The following KCNIP3 variants were observed in gnomAD, a reference collection of about 807,000 sequenced individuals.
KCNIP3 encodes calsenilin.
KCNIP3 carries 28 observed loss-of-function variants against 35.0 expected under a neutral mutation model. That is an observed-to-expected ratio of 0.80 (90% confidence interval 0.59 to 1.10). The LOEUF (loss-of-function observed/expected upper bound fraction) is 1.10. KCNIP3 is among the 50% of genes least tolerant of loss of function. The pLI is 0.00. For synonymous variants in KCNIP3, 134 were observed against 133.8 expected, an observed-to-expected ratio of 1.00 and a Z score of -0.01; for missense variants, 295 against 338.4, an observed-to-expected ratio of 0.87 and a Z score of 1.01.
intron 1 of KCNIP3, 56 bp from the exon 2 acceptor site, chr2:95,310,299 C>CA (rs1469183049): frequency 1.2e-6 from 2 of 1,604,480 alleles, no homozygotes; most frequent in African/African-American, 2.7e-5. Flanking sequence ...CGGGACCATC[C>CA]AGGGGTCCCC....
intron 2 of KCNIP3, among the ~76,000 whole-genome samples, chr2:95,346,423 C>T (rs1679362453): frequency 6.6e-6 from 1 of 151,126 alleles, no homozygotes; most frequent in African/African-American, 2.4e-5. Flanking sequence ...CGCCAGACTC[C>T]GTCCTGGGCT....
chr2:95,352,568 C>A (rs1248803562), intron 2 of KCNIP3, among the ~76,000 whole-genome samples: 1 of 152,142 alleles, frequency 6.6e-6, no homozygotes, highest in Non-Finnish European at 1.5e-5. Context: ...CCCAGCCCTC[C>A]CTCTCCAGCC....
In KCNIP3 at chr2:95,383,917, C is replaced by G. The variant is rs555915939; in HGVS notation, c.724-85C>G. 6.0e-6 allele frequency: 7 copies of G among 1,172,534 alleles called. No individual in the cohort carries two copies. The East Asian group carries it at 1.2e-4, about 20-fold the overall frequency. 72.6% of individuals were successfully genotyped at this position (1,172,534 alleles called of 1,614,324 possible). Reference sequence around the variant, plus strand: ...ACAGACAGGCAGTCGCTGCAGGCTCCGAGTCCCTGGCGGGAATCTGCTCAA... The same window carrying G: ...ACAGACAGGCAGTCGCTGCAGGCTCGGAGTCCCTGGCGGGAATCTGCTCAA... On this transcript the variant is annotated intron_variant, in intron 8 of 8. Transcript: ENST00000295225.
intron 2 of KCNIP3, among the ~76,000 whole-genome samples, chr2:95,356,055 G>A (rs1431182468): frequency 6.6e-6 from 1 of 152,172 alleles, no homozygotes; most frequent in Non-Finnish European, 1.5e-5. Flanking sequence ...GCATGAGATG[G>A]TATCTCATTG....
At chr2:95,324,036 T>G (rs1678660251) in intron 2 of KCNIP3, among the ~76,000 whole-genome samples, 1 of 152,170 alleles carries the variant, frequency 6.6e-6, no homozygotes, top group Admixed American at 6.5e-5. Context: ...GGCCACTGCC[T>G]TGGAATCCCC....
intron 1 of KCNIP3, among the ~76,000 whole-genome samples, chr2:95,306,758 C>A (rs564922297): frequency 1.4e-4 from 21 of 152,286 alleles, no homozygotes; most frequent in Non-Finnish European, 2.5e-4. Context: ...CTCATCACTG[C>A]CCCAGCTTCT....
At position 95,377,230 on chromosome 2, in the gene KCNIP3, C is replaced by T. The variant is rs1680224144; in HGVS notation, c.447+2022C>T. Among the ~76,000 whole-genome samples the T allele has an allele frequency of 6.6e-6, 1 of 152,258 alleles. No individual in the cohort carries two copies. Among genetic ancestry groups the T allele is most frequent in the Non-Finnish European group, 1.5e-5 (1 of 68,050 alleles). On this transcript the variant is annotated intron_variant, in intron 5 of 8. Transcript: ENST00000295225. This position sits in a 1 kb window ranked among gnomAD's most constrained non-coding sequence, Gnocchi z 4.7. Reference sequence around the variant, plus strand: ...GACGTGCAGAGCTTCCAAAACGATTCCGTAGACTGTTGGGGCCTCTTCAGT... The same window carrying T: ...GACGTGCAGAGCTTCCAAAACGATTTCGTAGACTGTTGGGGCCTCTTCAGT...
At chr2:95,306,590 C>G (rs1482695287) in intron 1 of KCNIP3, among the ~76,000 whole-genome samples, 1 of 152,112 alleles carries the variant, frequency 6.6e-6, no homozygotes, top group Non-Finnish European at 1.5e-5. Flanking sequence ...GTGAGTGAGG[C>G]CTTAAACGCC....
At chr2:95,367,791 C>G (rs1480937396) in intron 2 of KCNIP3, among the ~76,000 whole-genome samples, 1 of 138,804 alleles carries the variant, frequency 7.2e-6, no homozygotes, top group Non-Finnish European at 1.5e-5. Context: ...GATGGAGTCT[C>G]GCTCTTGTTT....
At chr2:95,380,021 G>A (rs141739386) in intron 5 of KCNIP3, among the ~76,000 whole-genome samples, 182 of 152,034 alleles carry the variant, frequency 1.2e-3, no homozygotes, top group African/African-American at 4.0e-3. Context: ...GTTTTCTCCC[G>A]TTCTTCCCGA....
intron 2 of KCNIP3, among the ~76,000 whole-genome samples, chr2:95,350,415 G>A (rs1400376060): frequency 2.6e-5 from 4 of 152,208 alleles, no homozygotes; most frequent in African/African-American, 9.7e-5. Context: ...CCTGTGCCTA[G>A]AACAGTGCCT....
At chr2:95,317,112 C>T (rs1212129194) in intron 2 of KCNIP3, among the ~76,000 whole-genome samples, 1 of 152,192 alleles carries the variant, frequency 6.6e-6, no homozygotes, top group Non-Finnish European at 1.5e-5. Flanking sequence ...CAAGAGACAG[C>T]CTAAGGCTAG....
chr2:95,365,813 T>G (rs182678301), intron 2 of KCNIP3, among the ~76,000 whole-genome samples: 4 of 152,278 alleles, frequency 2.6e-5, no homozygotes, highest in Admixed American at 1.3e-4. Context: ...ACACCCCTAT[T>G]TCCCTCCTCC....
At chr2:95,367,389 G>A (rs1007514972) in intron 2 of KCNIP3, among the ~76,000 whole-genome samples, 1 of 152,100 alleles carries the variant, frequency 6.6e-6, no homozygotes, top group African/African-American at 2.4e-5. Flanking sequence ...AGAGCATGTT[G>A]TCTGTATGTA....
At position 95,381,637 on chromosome 2, in the gene KCNIP3, C is replaced by G; in HGVS notation, c.489C>G (p.Val163=). Reference sequence around the variant, plus strand: ...TCTCCATCCTGCTGCGGGGCACAGTCCACGAGAAGCTCAAGTGGGCCTTTA... The same window carrying G: ...TCTCCATCCTGCTGCGGGGCACAGTGCACGAGAAGCTCAAGTGGGCCTTTA... ...VGLSILLRGT[V]HEKLKWAFNL... is the part of the protein sequence containing the mutation. Residue 163 remains valine, a synonymous_variant, in exon 6 of 9, where the codon GTC becomes GTG. Coordinates refer to ENST00000295225, the MANE Select transcript of KCNIP3 (RefSeq NM_013434.5). 6.2e-7 allele frequency: 1 copy of G among 1,614,132 alleles called. No individual in the cohort carries two copies. Among genetic ancestry groups the G allele is most frequent in the Non-Finnish European group, 8.5e-7 (1 of 1,179,994 alleles).
chr2:95,304,837 A>G (rs1678131424), intron 1 of KCNIP3, among the ~76,000 whole-genome samples: 1 of 152,168 alleles, frequency 6.6e-6, no homozygotes, highest in African/African-American at 2.4e-5. Context: ...AGGAGGACTT[A>G]GAAGGAAGTT....
chr2:95,349,613 C>T (rs900730772), intron 2 of KCNIP3, among the ~76,000 whole-genome samples: 21 of 152,232 alleles, frequency 1.4e-4, no homozygotes, highest in African/African-American at 2.9e-4. Context: ...GGGCTGAGCC[C>T]GGGGTGGTGG....
At chr2:95,373,091 A>G (rs959473434) in intron 2 of KCNIP3, among the ~76,000 whole-genome samples, 4 of 152,182 alleles carry the variant, frequency 2.6e-5, no homozygotes, top group Admixed American at 2.6e-4. Flanking sequence ...AGCAGCCAGC[A>G]CCAGAGTACC....
At chr2:95,327,246 A>T (rs756979909) in intron 2 of KCNIP3, among the ~76,000 whole-genome samples, 1 of 152,158 alleles carries the variant, frequency 6.6e-6, no homozygotes, top group Non-Finnish European at 1.5e-5. Context: ...GTCTGTAGTG[A>T]GTGGCATCAC....
Sources: allele counts gnomAD v4.1 joint callset (sites outside exome capture counted in the v4.1 genomes callset), GRCh38; gene constraint gnomAD v4.1.1; non-coding constraint Gnocchi (gnomAD v3.1); transcripts MANE v1.5; gene names NCBI Gene and HGNC (gene_info 2026-07-23, HGNC 2026-07-21).